The following BMPR1B variants were observed in gnomAD, a reference collection of about 807,000 sequenced individuals.
BMPR1B encodes bone morphogenetic protein receptor type 1B.
Under a neutral mutation model 59.1 loss-of-function variants are expected in BMPR1B, and 12 were observed. The ratio of observed to expected loss-of-function variants is 0.20; its 90% confidence interval spans 0.13 to 0.33. The LOEUF is 0.33. Among genes scored for constraint, BMPR1B ranks in the 10% least tolerant of loss-of-function variants. The pLI is 1.00. For missense variants in BMPR1B, 550 were observed against 610.9 expected, an observed-to-expected ratio of 0.90 and a Z score of 1.05; for synonymous variants, 237 against 207.3, an observed-to-expected ratio of 1.14 and a Z score of -1.23.
intron 2 of BMPR1B, among the ~76,000 whole-genome samples, chr4:94,983,914 T>A (rs775038188): frequency 6.6e-6 from 1 of 152,206 alleles, no homozygotes; most frequent in Non-Finnish European, 1.5e-5. Context: ...GCCAGGCCCA[T>A]AACAGGTACT....
chr4:94,813,244 G>A (rs1417341415), intron 1 of BMPR1B, among the ~76,000 whole-genome samples: 1 of 151,502 alleles, frequency 6.6e-6, no homozygotes, highest in African/African-American at 2.4e-5. Flanking sequence ...AAAGAGCTGT[G>A]GGAAAAAAAA....
In BMPR1B at chr4:94,933,943, C is replaced by T. The variant is rs375408585; in HGVS notation, c.-113+58043C>T. Reference sequence around the variant, plus strand: ...TACACAGTACATAGGTATTCCGTTGCGTTGTATGACAGTCAACAAACTTGG... The same window carrying T: ...TACACAGTACATAGGTATTCCGTTGTGTTGTATGACAGTCAACAAACTTGG... On this transcript the variant is annotated intron_variant, in intron 2 of 12. Coordinates refer to ENST00000515059, the MANE Select transcript of BMPR1B (RefSeq NM_001203.3). 2.1e-4 allele frequency among the ~76,000 whole-genome samples: 32 copies of T among 152,176 alleles called. No individual in the cohort carries two copies. In the South Asian group the frequency reaches 4.4e-3, roughly 21 times the overall value.
At position 94,835,538 on chromosome 4, in the gene BMPR1B, T is replaced by C. The variant is rs554107941; in HGVS notation, c.-182-40293T>C. On this transcript the variant is annotated intron_variant, in intron 1 of 12. Coordinates refer to ENST00000515059, the MANE Select transcript of BMPR1B (RefSeq NM_001203.3). Reference sequence around the variant, plus strand: ...TCAGGATCGCAATAAATTATATCAGTTGGCAAAACTTTTTACACTGCAGTG... The same window carrying C: ...TCAGGATCGCAATAAATTATATCAGCTGGCAAAACTTTTTACACTGCAGTG... Among the ~76,000 whole-genome samples the C allele has an allele frequency of 7.9e-5, 12 of 152,290 alleles. No homozygotes were observed. In the East Asian group the frequency reaches 1.9e-3, roughly 25 times the overall value.
intron 2 of BMPR1B, among the ~76,000 whole-genome samples, chr4:94,957,831 A>C (rs145886128): frequency 6.1e-4 from 93 of 152,234 alleles, no homozygotes; most frequent in African/African-American, 2.1e-3. Flanking sequence ...AGGTTTTTGC[A>C]TCGGTGAAAT....
intron 4 of BMPR1B, among the ~76,000 whole-genome samples, chr4:95,108,814 A>G (rs768116719): frequency 6.6e-6 from 1 of 152,078 alleles, no homozygotes; most frequent in Non-Finnish European, 1.5e-5. Context: ...TGTTTTCTAA[A>G]TATCTTTCCA....
intron 1 of BMPR1B, among the ~76,000 whole-genome samples, chr4:94,817,515 C>CT (rs1005006223): frequency 1.1e-3 from 170 of 148,902 alleles, no homozygotes; most frequent in Admixed American, 1.5e-3. Context: ...TTAGAGCCTC[C>CT]TTTTTTTTTT....
intron 10 of BMPR1B, among the ~76,000 whole-genome samples, chr4:95,134,189 A>G (rs1402789347): frequency 6.6e-6 from 1 of 152,188 alleles, no homozygotes; most frequent in Non-Finnish European, 1.5e-5. Flanking sequence ...ATGTCCCTAC[A>G]AAGAATATGA....
At chr4:94,796,127 G>A (rs13141832) in intron 1 of BMPR1B, among the ~76,000 whole-genome samples, 36,611 of 151,806 alleles carry the variant, frequency 0.24, 4,697 homozygotes, top group South Asian at 0.3. Context: ...ACCATGCCCA[G>A]CTACTTTTTG....
intron 3 of BMPR1B, among the ~76,000 whole-genome samples, chr4:95,034,641 TTATA>T (rs140594794): frequency 6.7e-6 from 1 of 149,642 alleles, no homozygotes; most frequent in African/African-American, 2.4e-5. Context: ...TATTCCATGT[TTATA>T]TATATATATA....
chr4:95,129,973 T>C lies in BMPR1B; in HGVS notation c.697T>C (p.Phe233Leu). The C allele has an allele frequency of 6.2e-7, 1 of 1,613,978 alleles. No homozygotes were observed. Among genetic ancestry groups the C allele is most frequent in the Non-Finnish European group, 8.5e-7 (1 of 1,179,916 alleles). Reference protein sequence around the residue: ...WRGEKVAVKVFFTTEEASWFR... With the variant: ...WRGEKVAVKVLFTTEEASWFR... ...TGGCGAAAAGGTAGCTGTGAAAGTG[T>C]TCTTCACCACAGAGGAAGCCAGCTG... The change falls in exon 9 of 13, where the codon TTC (phenylalanine) becomes CTC (leucine). Residue 233 changes from phenylalanine (F) to leucine (L), a missense_variant. Phe to Leu is a conservative substitution (Grantham distance 22). Coordinates refer to ENST00000515059, the MANE Select transcript of BMPR1B (RefSeq NM_001203.3).
rs375107903 is a variant in BMPR1B at position 94,945,560 on chromosome 4, C to G, written c.-112-50480C>G. 1.8e-4 allele frequency among the ~76,000 whole-genome samples: 27 copies of G among 152,236 alleles called. No homozygotes were observed. In the South Asian group the frequency reaches 4.1e-3, roughly 23 times the overall value. ...GGATCTTCCTTACTGTCTTCTTCCC[C>G]AGTAGCTGGGACTACAAGTACATGC... On this transcript the variant is annotated intron_variant, in intron 2 of 12. Transcript: ENST00000515059.
intron 3 of BMPR1B, among the ~76,000 whole-genome samples, chr4:95,060,267 T>C (rs542327597): frequency 6.6e-6 from 1 of 152,168 alleles, no homozygotes; most frequent in South Asian, 2.1e-4. Context: ...TAAAGTTCAG[T>C]TTATTCTTTC....
chr4:95,048,263 C>T lies in BMPR1B; in HGVS notation c.-18+52129C>T, dbSNP rs540741086. On this transcript the variant is annotated intron_variant, in intron 3 of 12. Coordinates refer to ENST00000515059, the MANE Select transcript of BMPR1B (RefSeq NM_001203.3). ...TAGTGCTGCGATGAACATATAAGTGCCCATGTCTTTTTGGTAGAATGATTT... is the reference window on the plus strand; with the variant it reads ...TAGTGCTGCGATGAACATATAAGTGTCCATGTCTTTTTGGTAGAATGATTT... Among the ~76,000 whole-genome samples the T allele has an allele frequency of 5.3e-5, 8 of 152,160 alleles. 1 individual carries two copies. The South Asian group carries it at 1.7e-3, about 32-fold the overall frequency.
chr4:94,766,729 CT>C (rs1560805926), intron 1 of BMPR1B, among the ~76,000 whole-genome samples: 1 of 151,736 alleles, frequency 6.6e-6, no homozygotes, highest in Non-Finnish European at 1.5e-5. Flanking sequence ...CATTTTGGGT[CT>C]TTTTTTCTTT....
chr4:94,964,787 C>G (rs1461715914), intron 2 of BMPR1B, among the ~76,000 whole-genome samples: 1 of 152,134 alleles, frequency 6.6e-6, no homozygotes, highest in African/African-American at 2.4e-5. Context: ...CATTTAACCA[C>G]TTGGAGACTT....
At chr4:94,847,785 T>C (rs551990076) in intron 1 of BMPR1B, among the ~76,000 whole-genome samples, 1 of 152,230 alleles carries the variant, frequency 6.6e-6, no homozygotes, top group South Asian at 2.1e-4. Flanking sequence ...TCATAGTGGC[T>C]GACAAGGGTA....
intron 2 of BMPR1B, among the ~76,000 whole-genome samples, chr4:94,942,692 G>T (rs1560559135): frequency 6.6e-6 from 1 of 152,194 alleles, no homozygotes; most frequent in Non-Finnish European, 1.5e-5. Context: ...AACTATTGCT[G>T]TCACTTTATG....
At chr4:94,822,775 C>T (rs944953755) in intron 1 of BMPR1B, among the ~76,000 whole-genome samples, 5 of 152,126 alleles carry the variant, frequency 3.3e-5, no homozygotes, top group African/African-American at 1.2e-4. Flanking sequence ...GGCATCTGAG[C>T]GATCTGTTTG....
At chr4:94,909,317 G>A (rs1728185435) in intron 2 of BMPR1B, among the ~76,000 whole-genome samples, 1 of 151,976 alleles carries the variant, frequency 6.6e-6, no homozygotes, top group Admixed American at 6.6e-5. Context: ...ATACTCACTA[G>A]GTTAATCTAT....
Sources: gnomAD v4.1 joint callset for allele counts (sites outside exome capture counted in the v4.1 genomes callset) on GRCh38, gnomAD v4.1.1 for gene constraint, MANE v1.5 for transcripts, NCBI Gene and HGNC (gene_info 2026-07-23, HGNC 2026-07-21) for gene names.